The following RPL9 variants were observed in gnomAD, a reference collection of about 807,000 sequenced individuals.
The protein encoded by RPL9 is large ribosomal subunit protein uL6.
For missense variants in RPL9, 149 were observed against 236.7 expected (o/e 0.63, Z 2.43); for synonymous variants, 82 against 77.1 (o/e 1.06, Z -0.33).
intron 7 of RPL9, 87 bp from the exon 8 acceptor site, chr4:39,454,312 A>C (rs1744002953): frequency 2.3e-6 from 1 of 429,430 alleles, no homozygotes; most frequent in East Asian, 4.1e-5. Flanking sequence ...TATTCTAAAT[A>C]ATCTAAAACA....
At chr4:39,458,863 AC>A (rs1324065621) in intron 1 of RPL9, 27 bp downstream of exon 1, 8 of 697,100 alleles carry the variant, frequency 1.1e-5, no homozygotes, top group African/African-American at 8.8e-5. Flanking sequence ...GATTCCCAGT[AC>A]CCCCACGAGC....
chr4:39,458,320 G>C lies in RPL9; in HGVS notation c.47-11C>G. ...TCAGAGTAATGTCGACTAGAAGAGAGAACACACTCGTCAGGCCACACAACG... is the reference window on the plus strand; with the variant it reads ...TCAGAGTAATGTCGACTAGAAGAGACAACACACTCGTCAGGCCACACAACG... On this transcript the variant is annotated splice_polypyrimidine_tract_variant and intron_variant, in intron 2 of 7. Transcript: ENST00000295955. 2 of 1,613,976 alleles carry C rather than the reference G, an allele frequency of 1.2e-6. No individual in the cohort carries two copies. The highest frequency in any genetic ancestry group is 1.7e-6 in the Non-Finnish European group (2 of 1,179,920).
At chr4:39,454,697 TAAAAAG>T in intron 6 of RPL9, 48 bp from the exon 7 acceptor site, 6 of 1,531,610 alleles carry the variant, frequency 3.9e-6, no homozygotes, top group Non-Finnish European at 5.3e-6. Context: ...TAACCCATCT[TAAAAAG>T]AAAGTATTTC....
chr4:39,458,537 G>T (rs1483257427), intron 1 of RPL9, 97 bp from the exon 2 acceptor site: 8 of 1,324,618 alleles, frequency 6.0e-6, no homozygotes, highest in South Asian at 3.8e-5. Flanking sequence ...ACTGCCAGGC[G>T]GAAGTTCCAG....
chr4:39,457,734 C>T, intron 3 of RPL9, 53 bp from the exon 4 acceptor site: 1 of 1,353,436 alleles, frequency 7.4e-7, no homozygotes, highest in Non-Finnish European at 1.1e-6. Flanking sequence ...GCTTAAAAGA[C>T]AACAGACCAC....
intron 5 of RPL9, chr4:39,455,325 C>T (rs1744043698): frequency 1.2e-5 from 2 of 164,542 alleles, no homozygotes. Context: ...TGTTGCTGAC[C>T]ATAGCTAGTA....
chr4:39,456,181 C>T (rs1744077835), intron 5 of RPL9: 4 of 559,770 alleles, frequency 7.1e-6, no homozygotes, highest in Non-Finnish European at 1.3e-5. Context: ...CTGCAAGCTA[C>T]TCCAATGTAT....
chr4:39,457,507 A>C, intron 4 of RPL9, 79 bp downstream of exon 4: 1 of 1,197,594 alleles, frequency 8.4e-7, no homozygotes, highest in Non-Finnish European at 1.2e-6. Flanking sequence ...ATTCTCTGAA[A>C]GAGACACTTA....
Position 39,454,515 on chromosome 4 carries a change from G to A in RPL9, c.*10+18C>T, listed in dbSNP as rs764059798. ...CAACTAGAGCAGTAATAAAACTTAAGACACTGTAAGAACTTACCTCTTAGA... is the reference window on the plus strand; with the variant it reads ...CAACTAGAGCAGTAATAAAACTTAAAACACTGTAAGAACTTACCTCTTAGA... On this transcript the variant is annotated intron_variant, in intron 7 of 7. Transcript: ENST00000295955. 1.3e-6 allele frequency: 2 copies of A among 1,557,942 alleles called. No individual in the cohort carries two copies. Among genetic ancestry groups the A allele is most frequent in the African/African-American group, 1.4e-5 (1 of 73,290 alleles).
At chr4:39,455,344 T>C (rs908095671) in intron 5 of RPL9, 1 of 158,056 alleles carries the variant, frequency 6.3e-6, no homozygotes, top group African/African-American at 2.4e-5. Flanking sequence ...TATCAGAGTA[T>C]TTCTGGACAG....
chr4:39,458,313 G>A lies in RPL9; in HGVS notation c.47-4C>T. 1 of 1,614,082 alleles carries A rather than the reference G, an allele frequency of 6.2e-7. No individual in the cohort carries two copies. Reference sequence around the variant, plus strand: ...CGTCCCTTCAGAGTAATGTCGACTAGAAGAGAGAACACACTCGTCAGGCCA... The same window carrying A: ...CGTCCCTTCAGAGTAATGTCGACTAAAAGAGAGAACACACTCGTCAGGCCA... On this transcript the variant is annotated splice_region_variant and splice_polypyrimidine_tract_variant and intron_variant, in intron 2 of 7. Transcript: ENST00000295955.
intron 2 of RPL9, 25 bp from the exon 3 acceptor site, chr4:39,458,334 G>T: frequency 6.2e-7 from 1 of 1,613,896 alleles, no homozygotes; most frequent in East Asian, 2.2e-5. Context: ...ACACTCGTCA[G>T]GCCACACAAC....
intron 4 of RPL9, 194 bp downstream of exon 4, chr4:39,457,392 T>C (rs971137948): frequency 8.2e-5 from 40 of 486,894 alleles, no homozygotes; most frequent in Non-Finnish European, 1.3e-4. Context: ...AAAACAAACA[T>C]GTTGTACCCA....
chr4:39,455,997 G>A (rs13103023), intron 5 of RPL9: 71,044 of 230,800 alleles, frequency 0.31, 11,939 homozygotes, highest in South Asian at 0.42. Flanking sequence ...TTCTTACCAC[G>A]AAGAAATAAA....
chr4:39,456,283 T>C (rs1291546178), intron 5 of RPL9, 123 bp downstream of exon 5: 1 of 1,027,486 alleles, frequency 9.7e-7, no homozygotes, highest in Non-Finnish European at 1.5e-6. Context: ...CTAAAACAAA[T>C]CTGGTTTTAC....
At position 39,456,693 on chromosome 4, in the gene RPL9, T is replaced by C. The variant is rs1744100096; in HGVS notation, c.259-155A>G. ...CCTGAACCAAGCCTTATAAACATTG[T>C]TCTGTCTATTCAGTGGACTGTAAAG... On this transcript the variant is annotated intron_variant, in intron 4 of 7. Transcript: ENST00000295955. The C allele has an allele frequency of 7.5e-6, 6 of 796,136 alleles. No homozygotes were observed. In the South Asian group the frequency reaches 1.1e-4, roughly 15 times the overall value. 49.3% of individuals were successfully genotyped at this position (796,136 alleles called of 1,614,324 possible). A position where few individuals can be genotyped will look rare whatever the true frequency, so the allele number is the denominator to read the frequency against.
rs1744167382 is a variant in RPL9, at chr4:39,457,744, C to T, written c.163-63G>A. ...TGCAGGCTTAAAAGACAACAGACCA[C>T]TTACCGAATTACTTTAAGATTCTAG... On this transcript the variant is annotated intron_variant, in intron 3 of 7. Transcript: ENST00000295955. The T allele has an allele frequency of 9.2e-6, 12 of 1,308,212 alleles. No homozygotes were observed. In the South Asian group the frequency reaches 1.3e-4, roughly 14 times the overall value. 81.0% of individuals were successfully genotyped at this position (1,308,212 alleles called of 1,614,324 possible).
At chr4:39,456,149 G>A (rs1744076387) in intron 5 of RPL9, 1 of 480,852 alleles carries the variant, frequency 2.1e-6, no homozygotes, top group Admixed American at 3.4e-5. Context: ...GATTTCATTT[G>A]CCAAGTTAAA....
rs561421459 is a variant in RPL9, at chr4:39,457,531, A to T, written c.258+55T>A. 3.7e-6 allele frequency: 5 copies of T among 1,369,296 alleles called. No homozygotes were observed. In the South Asian group the frequency reaches 4.6e-5, roughly 13 times the overall value. 84.8% of individuals were successfully genotyped at this position (1,369,296 alleles called of 1,614,324 possible). A position where few individuals can be genotyped will look rare whatever the true frequency, so the allele number is the denominator to read the frequency against. On this transcript the variant is annotated intron_variant, in intron 4 of 7. Transcript: ENST00000295955. ...AAGAGACACTTACGCTGTATAAAGC[A>T]CAGGTTTGAGAAACCTCCCTTTCCA...
Sources: allele counts gnomAD v4.1 joint callset, GRCh38; gene constraint gnomAD v4.1.1; transcripts MANE v1.5; gene names NCBI Gene and HGNC (gene_info 2026-07-23, HGNC 2026-07-21).